KLF8: variants seen among roughly 807,000 people sequenced by gnomAD.
KLF8 encodes the protein Krueppel-like factor 8.
A neutral mutation model predicts 18.2 loss-of-function variants in KLF8; 10 were observed. The observed-to-expected ratio is 0.55, with a 90% CI of 0.34 to 0.93. The LOEUF (loss-of-function observed/expected upper bound fraction) is 0.93, where lower values mean the gene tolerates loss of function less well. Ranked by LOEUF, KLF8 falls within the 40% of genes least tolerant of loss-of-function variation. The probability of loss-of-function intolerance (pLI) is 0.02; values close to 1 mark genes in which losing one functional copy is unlikely to be tolerated. For missense variants in KLF8, 264 were observed against 277.9 expected, an observed-to-expected ratio of 0.95 and a Z score of 0.36; for synonymous variants, 109 against 97.3, an observed-to-expected ratio of 1.12 and a Z score of -0.71.
rs1425138167 is a variant in KLF8 at position 56,232,680 on chromosome X, T to A, written c.-655T>A. On this transcript the variant is annotated 5_prime_UTR_variant, in exon 1 of 6. Coordinates refer to ENST00000468660, the MANE Select transcript of KLF8 (RefSeq NM_007250.5). The stretch of plus-strand genomic sequence containing the variant: ...AATCGTCGGCATTTTTTTCCTCCCT[T>A]CTTTCTTTTTAGGAAGGCGCTGGGG... The A allele has an allele frequency of 9.0e-6, 1 of 111,519 alleles. No individual in the cohort carries two copies. Among genetic ancestry groups the A allele is most frequent in the Non-Finnish European group, 1.9e-5 (1 of 53,155 alleles). 9.2% of individuals were successfully genotyped at this position (111,519 alleles called of 1,213,427 possible). A position where few individuals can be genotyped will look rare whatever the true frequency, so the allele number is the denominator to read the frequency against.
chrX:56,183,416 C>T, the KLF8 span, among the ~76,000 whole-genome samples: 5 of 112,161 alleles, frequency 4.5e-5, no homozygotes, highest in South Asian at 1.8e-3. Flanking sequence ...GCTTTCACTT[C>T]CCTGGTGAGG....
the KLF8 span, among the ~76,000 whole-genome samples, chrX:55,991,883 T>C: frequency 8.9e-5 from 10 of 112,767 alleles, no homozygotes; most frequent in Admixed American, 3.8e-4. Context: ...CATATGCTTC[T>C]TGTCCACTTG....
chrX:56,233,304 C>G lies in KLF8; in HGVS notation c.-31C>G, dbSNP rs1279657787. 8.3e-7 allele frequency: 1 copy of G among 1,207,473 alleles called. No individual in the cohort carries two copies. The highest frequency in any genetic ancestry group is 3.0e-5 in the East Asian group (1 of 33,774). Reference sequence around the variant, plus strand: ...AGCCTCCCGGAGGACGGCATGAGTTCTGGACACTTCAGGAGTCCTCAGCTA... The same window carrying G: ...AGCCTCCCGGAGGACGGCATGAGTTGTGGACACTTCAGGAGTCCTCAGCTA... On this transcript the variant is annotated 5_prime_UTR_variant, in exon 1 of 6. Transcript: ENST00000468660.
chrX:55,942,035 A>G, the KLF8 span, among the ~76,000 whole-genome samples: 5 of 111,737 alleles, frequency 4.5e-5, no homozygotes, highest in African/African-American at 1.6e-4. Context: ...CCAAAGGACT[A>G]TAAGTCATGC....
chrX:55,982,009 G>C, the KLF8 span, among the ~76,000 whole-genome samples: 1 of 110,649 alleles, frequency 9.0e-6, no homozygotes, highest in African/African-American at 3.3e-5. Flanking sequence ...TGAAAGAAGA[G>C]CAAGAAGGGC....
the KLF8 span, among the ~76,000 whole-genome samples, chrX:56,073,347 G>A: frequency 0.53 from 59,009 of 110,813 alleles, 13,764 homozygotes; most frequent in East Asian, 0.74. Flanking sequence ...ATATTTTATG[G>A]CTGAATAATA....
At chrX:56,175,611 G>A in the KLF8 span, among the ~76,000 whole-genome samples, 3 of 111,452 alleles carry the variant, frequency 2.7e-5, no homozygotes, top group East Asian at 8.4e-4. Flanking sequence ...ATGTCTATTA[G>A]GTCCATTTGG....
At chrX:56,164,036 G>A in the KLF8 span, among the ~76,000 whole-genome samples, 2 of 111,186 alleles carry the variant, frequency 1.8e-5, no homozygotes, top group Non-Finnish European at 3.8e-5. Context: ...AATGCCTCCA[G>A]CTTTGTTCTT....
At chrX:56,068,153 G>A in the KLF8 span, among the ~76,000 whole-genome samples, 3 of 111,864 alleles carry the variant, frequency 2.7e-5, no homozygotes, top group Non-Finnish European at 3.8e-5. Flanking sequence ...ACCACTGATA[G>A]CCAGAATGTC....
the KLF8 span, among the ~76,000 whole-genome samples, chrX:56,019,901 C>T: frequency 2.0e-4 from 22 of 111,424 alleles, no homozygotes; most frequent in East Asian, 6.2e-3. Context: ...AGTTTGGAGG[C>T]CTGTGAGGCC....
chrX:55,930,644 C>A, the KLF8 span, among the ~76,000 whole-genome samples: 2 of 111,739 alleles, frequency 1.8e-5, no homozygotes, highest in Non-Finnish European at 3.8e-5. Context: ...GAGATAATCA[C>A]GTGGTTTTTG....
chrX:56,011,420 C>T, the KLF8 span, among the ~76,000 whole-genome samples: 18 of 111,515 alleles, frequency 1.6e-4, no homozygotes, highest in Admixed American at 2.9e-4. Context: ...TCTTTGAAAC[C>T]GATATGAACA....
At chrX:56,145,618 G>A in the KLF8 span, among the ~76,000 whole-genome samples, 3 of 112,336 alleles carry the variant, frequency 2.7e-5, no homozygotes, top group Admixed American at 1.9e-4. Flanking sequence ...ATATTATTCC[G>A]TTATATAGAG....
chrX:56,060,145 A>T, the KLF8 span, among the ~76,000 whole-genome samples: 1 of 111,469 alleles, frequency 9.0e-6, no homozygotes, highest in Non-Finnish European at 1.9e-5. Context: ...AGACAATCTG[A>T]CTTCCTCTTT....
chrX:56,137,450 T>A, the KLF8 span, among the ~76,000 whole-genome samples: 5 of 106,128 alleles, frequency 4.7e-5, no homozygotes, highest in East Asian at 9.0e-4. Flanking sequence ...TTCATGTCCT[T>A]TGTAGGGACA....
chrX:56,072,763 T>A, the KLF8 span, among the ~76,000 whole-genome samples: 1 of 111,670 alleles, frequency 9.0e-6, no homozygotes, highest in Admixed American at 9.5e-5. Context: ...TAGCATTGAT[T>A]ACATTTATGT....
chrX:56,280,710 T>C (rs996902394), intron 5 of KLF8, among the ~76,000 whole-genome samples: 4 of 112,273 alleles, frequency 3.6e-5, no homozygotes, highest in Admixed American at 2.8e-4. Flanking sequence ...AATTTCCCAA[T>C]CTTGGAATTT....
the KLF8 span, among the ~76,000 whole-genome samples, chrX:56,212,837 G>A: frequency 9.0e-6 from 1 of 111,700 alleles, no homozygotes; most frequent in South Asian, 3.8e-4. Context: ...CTTGCAGGGA[G>A]AGGAGAGACG....
the KLF8 span, among the ~76,000 whole-genome samples, chrX:56,055,147 G>A: frequency 9.0e-6 from 1 of 111,619 alleles, no homozygotes; most frequent in African/African-American, 3.3e-5. Context: ...TTTCAGACTT[G>A]TTTATGTAGT....
Sources: gnomAD v4.1 joint callset for allele counts (sites outside exome capture counted in the v4.1 genomes callset) on GRCh38, gnomAD v4.1.1 for gene constraint, MANE v1.5 for transcripts, NCBI Gene and HGNC (gene_info 2026-07-23, HGNC 2026-07-21) for gene names.